The following CACNA2D4 variants were observed in gnomAD, a reference collection of about 807,000 sequenced individuals.
CACNA2D4 encodes the protein calcium voltage-gated channel auxiliary subunit alpha2delta 4, also known as voltage-dependent calcium channel subunit alpha-2/delta-4.
Under a neutral mutation model 163.8 loss-of-function variants are expected in CACNA2D4, and 157 were observed. The ratio of observed to expected loss-of-function variants is 0.96; its 90% CI spans 0.84 to 1.09. CACNA2D4 has a LOEUF of 1.09. Among genes scored for constraint, CACNA2D4 ranks in the 50% least tolerant of loss-of-function variants. CACNA2D4 has a pLI of 0.00. For synonymous variants in CACNA2D4, 598 were observed against 586.9 expected (o/e 1.02, Z -0.27); for missense variants, 1,410 against 1,479.9 (o/e 0.95, Z 0.78).
At chr12:1,794,254 G>T (rs1863049956) in intron 37 of CACNA2D4, among the ~76,000 whole-genome samples, 1 of 152,210 alleles carries the variant, frequency 6.6e-6, no homozygotes, top group South Asian at 2.1e-4. Flanking sequence ...CAAGCCCTAG[G>T]AAGCGTGGCT....
chr12:1,858,991 C>T (rs973804321), intron 19 of CACNA2D4, among the ~76,000 whole-genome samples: 4 of 152,218 alleles, frequency 2.6e-5, no homozygotes, highest in Non-Finnish European at 5.9e-5. Context: ...GTCCCACAAA[C>T]AGGAGCTCCT....
Position 1,847,056 on chromosome 12 carries a change from C to A in CACNA2D4, c.2247-367G>T, listed in dbSNP as rs982966168. Among the ~76,000 whole-genome samples the A allele has an allele frequency of 6.6e-5, 10 of 152,296 alleles. No homozygotes were observed. The East Asian group carries it at 1.9e-3, about 29-fold the overall frequency. On this transcript the variant is annotated intron_variant, in intron 23 of 37. Transcript: ENST00000382722. Reference sequence around the variant, plus strand: ...CCTAAGGAACAGGAACTTCTCATGCCCAGCACGTACCAGGCACCTCCTGGT... The same window carrying A: ...CCTAAGGAACAGGAACTTCTCATGCACAGCACGTACCAGGCACCTCCTGGT...
At position 1,828,928 on chromosome 12, in the gene CACNA2D4, C is replaced by T. The variant is rs977478612; in HGVS notation, c.2551+11811G>A. Among the ~76,000 whole-genome samples, 1 of 152,212 alleles carries T rather than the reference C, an allele frequency of 6.6e-6. No homozygotes were observed. Among genetic ancestry groups the T allele is most frequent in the Non-Finnish European group, 1.5e-5 (1 of 68,038 alleles). On this transcript the variant is annotated intron_variant, in intron 26 of 37. Coordinates refer to ENST00000382722, the MANE Select transcript of CACNA2D4 (RefSeq NM_172364.5). This position sits in a 1 kb window ranked among gnomAD's most constrained non-coding sequence, Gnocchi z 4.2. ...GACCAGGTCAGCAAGGGCTGGTCTG[C>T]CCAAGGCTACACGGTGGCAGGGAGG...
At position 1,802,467 on chromosome 12, in the gene CACNA2D4, C is replaced by T. The variant is rs1185997857; in HGVS notation, c.2722-823G>A. On this transcript the variant is annotated intron_variant, in intron 29 of 37. Transcript: ENST00000382722. This position sits in a 1 kb window ranked among gnomAD's most constrained non-coding sequence, Gnocchi z 4.7. Reference sequence around the variant, plus strand: ...GGCTTCTGTGCCCTGTGCCAAGCAGCGGCCCCCTAGCTGGCTGAGAATGGC... The same window carrying T: ...GGCTTCTGTGCCCTGTGCCAAGCAGTGGCCCCCTAGCTGGCTGAGAATGGC... Among the ~76,000 whole-genome samples, 4 of 152,218 alleles carry T rather than the reference C, an allele frequency of 2.6e-5. No individual in the cohort carries two copies. Among genetic ancestry groups the T allele is most frequent in the African/African-American group, 9.6e-5 (4 of 41,452 alleles).
In CACNA2D4 at chr12:1,806,585, G is replaced by A. The variant is rs1257075028; in HGVS notation, c.2721+3693C>T. 6.6e-6 allele frequency among the ~76,000 whole-genome samples: 1 copy of A among 152,228 alleles called. No homozygotes were observed. Among genetic ancestry groups the A allele is most frequent in the Non-Finnish European group, 1.5e-5 (1 of 68,042 alleles). The stretch of plus-strand genomic sequence containing the variant: ...TAAGCCCTAGCAGGGACAAGGAGTC[G>A]CTGGAAGCCTTTGACATATTTGCCT... On this transcript the variant is annotated intron_variant, in intron 29 of 37. Transcript: ENST00000382722. The surrounding 1 kb of genome is among the most constrained non-coding windows in gnomAD (Gnocchi z 4.1).
Position 1,874,794 on chromosome 12 carries a change from C to T in CACNA2D4, c.1807-119G>A. On this transcript the variant is annotated intron_variant, in intron 17 of 37. Transcript: ENST00000382722. The surrounding 1 kb of genome is among the most constrained non-coding windows in gnomAD (Gnocchi z 4.4). ...AAACACTTTTGGTTCTTCCCTTTTT[C>T]CTCTGAGAGAGATACCAGGAGGGAA... 1 of 750,444 alleles carries T rather than the reference C, an allele frequency of 1.3e-6. No homozygotes were observed. Among genetic ancestry groups the T allele is most frequent in the Non-Finnish European group, 2.4e-6 (1 of 420,502 alleles). The allele number at this position is 750,444 out of a possible 1,614,324, so 46.5% of individuals were successfully genotyped here.
rs1592715307 is a variant in CACNA2D4 at position 1,858,499 on chromosome 12, G to A, written c.2008+78C>T. 10 of 1,278,984 alleles carry A rather than the reference G, an allele frequency of 7.8e-6. No homozygotes were observed. The East Asian group carries it at 2.4e-4, about 31-fold the overall frequency. The allele number at this position is 1,278,984 out of a possible 1,614,324, so 79.2% of individuals were successfully genotyped here. A position where few individuals can be genotyped will look rare whatever the true frequency, so the allele number is the denominator to read the frequency against. On this transcript the variant is annotated intron_variant, in intron 20 of 37. Coordinates refer to ENST00000382722, the MANE Select transcript of CACNA2D4 (RefSeq NM_172364.5). ...GAGGCTGTCACACTGGCTCTGGTTGGGGTTGGCCCTGCCCAGTGTCCCATG... is the reference window on the plus strand; with the variant it reads ...GAGGCTGTCACACTGGCTCTGGTTGAGGTTGGCCCTGCCCAGTGTCCCATG...
chr12:1,897,021 C>G (rs759952593), intron 6 of CACNA2D4, among the ~76,000 whole-genome samples: 11 of 152,044 alleles, frequency 7.2e-5, no homozygotes, highest in Non-Finnish European at 1.6e-4. Flanking sequence ...TTAAGTGAAA[C>G]AAGCCAGGCA....
chr12:1,828,234 T>C lies in CACNA2D4; in HGVS notation c.2551+12505A>G, dbSNP rs183265683. 8.1e-3 allele frequency: 12,351 copies of C among 1,518,888 alleles called. 125 individuals carry two copies. The highest frequency in any genetic ancestry group is 0.045 in the African/African-American group (3,043 of 67,406). 94.1% of individuals were successfully genotyped at this position (1,518,888 alleles called of 1,614,324 possible). A position where few individuals can be genotyped will look rare whatever the true frequency, so the allele number is the denominator to read the frequency against. On this transcript the variant is annotated intron_variant, in intron 26 of 37. Transcript: ENST00000382722. The surrounding 1 kb of genome is among the most constrained non-coding windows in gnomAD (Gnocchi z 4.2). ...GTCTCCTGTGAGTACACCCCTGGCC[T>C]CGGAGGGGGGTGCGGGTTGGGTGGG...
At chr12:1,908,921 T>A (rs1866743267) in intron 4 of CACNA2D4, among the ~76,000 whole-genome samples, 1 of 152,010 alleles carries the variant, frequency 6.6e-6, no homozygotes, top group Non-Finnish European at 1.5e-5. Context: ...CACGCCAGGT[T>A]CCTGCACCCC....
In CACNA2D4 at chr12:1,817,162, G is replaced by A. The variant is rs141616363; in HGVS notation, c.2552-5439C>T. 3.3e-3 allele frequency among the ~76,000 whole-genome samples: 504 copies of A among 152,320 alleles called. 2 individuals carry two copies. The highest frequency in any genetic ancestry group is 0.011 in the African/African-American group (473 of 41,562). ...GCTGAGGACCCGACAGGTGCACAGC[G>A]AATACTTAGGTCACAGAAGGCCAGT... On this transcript the variant is annotated intron_variant, in intron 26 of 37. Transcript: ENST00000382722.
In CACNA2D4 at chr12:1,918,632, C is replaced by T. The variant is rs1008337144; in HGVS notation, c.-159G>A. On this transcript the variant is annotated 5_prime_UTR_variant, in exon 1 of 38. Coordinates refer to ENST00000382722, the MANE Select transcript of CACNA2D4 (RefSeq NM_172364.5). ...CAGAAGAGTCGCCCCACCTAGCAAG[C>T]AGGCCTCGGAGACAGGGACTGGGGG... 1 of 589,406 alleles carries T rather than the reference C, an allele frequency of 1.7e-6. No homozygotes were observed. The highest frequency in any genetic ancestry group is 3.3e-5 in the Admixed American group (1 of 30,230). 36.5% of individuals were successfully genotyped at this position (589,406 alleles called of 1,614,324 possible).
intron 6 of CACNA2D4, among the ~76,000 whole-genome samples, chr12:1,901,656 C>A (rs1866540007): frequency 6.6e-6 from 1 of 152,014 alleles, no homozygotes; most frequent in Non-Finnish European, 1.5e-5. Context: ...AATCCAAAAC[C>A]TGAACAAATC....
chr12:1,886,763 C>T (rs1301416046), intron 7 of CACNA2D4, among the ~76,000 whole-genome samples: 2 of 152,178 alleles, frequency 1.3e-5, no homozygotes, highest in Non-Finnish European at 2.9e-5. Context: ...GTGGAGACAG[C>T]TCAGTGTCCT....
chr12:1,797,357 T>TC, intron 35 of CACNA2D4, 61 bp downstream of exon 35: 1 of 1,290,556 alleles, frequency 7.7e-7, no homozygotes, highest in East Asian at 2.5e-5. Flanking sequence ...TGCCCGCACT[T>TC]CCGCCTTGCC....
chr12:1,878,048 C>T lies in CACNA2D4; in HGVS notation c.1719+267G>A, dbSNP rs1865916785. Reference sequence around the variant, plus strand: ...CAAGCAGATGTGAATAATGGCCCTGCGGGCTCTTTAGCCTCAAAACTGCAC... The same window carrying T: ...CAAGCAGATGTGAATAATGGCCCTGTGGGCTCTTTAGCCTCAAAACTGCAC... On this transcript the variant is annotated intron_variant, in intron 16 of 37. Coordinates refer to ENST00000382722, the MANE Select transcript of CACNA2D4 (RefSeq NM_172364.5). This position sits in a 1 kb window ranked among gnomAD's most constrained non-coding sequence, Gnocchi z 4.6. Among the ~76,000 whole-genome samples the T allele has an allele frequency of 6.6e-6, 1 of 152,212 alleles. No homozygotes were observed. Among genetic ancestry groups the T allele is most frequent in the Non-Finnish European group, 1.5e-5 (1 of 68,046 alleles).
rs919752328 is a variant in CACNA2D4, at chr12:1,834,654, G to A, written c.2551+6085C>T. ...AAGTACCACCGGGAGCTCAAAAAGC[G>A]CCAGCCCCTGATGGGGGACCCCGAG... On this transcript the variant is annotated intron_variant, in intron 26 of 37. Coordinates refer to ENST00000382722, the MANE Select transcript of CACNA2D4 (RefSeq NM_172364.5). The surrounding 1 kb of genome is among the most constrained non-coding windows in gnomAD (Gnocchi z 7.6). 8 of 1,601,126 alleles carry A rather than the reference G, an allele frequency of 5.0e-6. No individual in the cohort carries two copies. The highest frequency in any genetic ancestry group is 1.1e-5 in the South Asian group (1 of 91,066).
In CACNA2D4 at chr12:1,860,183, A is replaced by G. The variant is rs1389593570; in HGVS notation, c.1902T>C (p.Asn634=). 7 of 1,613,734 alleles carry G rather than the reference A, an allele frequency of 4.3e-6. No homozygotes were observed. The African/African-American group carries it at 8.0e-5, about 18-fold the overall frequency. The change falls in exon 19 of 38, where the codon AAT becomes AAC. Residue 634 remains asparagine, a synonymous_variant. Coordinates refer to ENST00000382722, the MANE Select transcript of CACNA2D4 (RefSeq NM_172364.5). The stretch of plus-strand genomic sequence containing the variant: ...CGCTGATGTCCGTGAAGAAGTAGTC[A>G]TTGGTCAGGAAAAGAACTCGCTTCT... ...DKGKRVLFLT[N]DYFFTDISDT... is the part of the protein sequence containing the mutation.
chr12:1,860,756 C>T (rs747792532), intron 18 of CACNA2D4, among the ~76,000 whole-genome samples: 9 of 152,182 alleles, frequency 5.9e-5, no homozygotes, highest in Admixed American at 1.3e-4. Flanking sequence ...CATCCATGCC[C>T]GGGCCACGGG....
Sources: gnomAD v4.1 joint callset for allele counts (sites outside exome capture counted in the v4.1 genomes callset) on GRCh38, gnomAD v4.1.1 for gene constraint, Gnocchi (gnomAD v3.1) non-coding constraint, MANE v1.5 for transcripts, NCBI Gene and HGNC (gene_info 2026-07-23, HGNC 2026-07-21) for gene names.